Variants in TEP1 observed in about 807,000 individuals in gnomAD.
The protein encoded by TEP1 is telomerase protein component 1.
A neutral mutation model predicts 306.3 loss-of-function variants in TEP1; 241 were observed. The ratio of observed to expected loss-of-function variants is 0.79; its 90% CI spans 0.71 to 0.88. TEP1 has a LOEUF of 0.88. TEP1 is among the 40% of genes least tolerant of loss of function. The probability of loss-of-function intolerance (pLI) is 0.00; values close to 1 mark genes in which losing one functional copy is unlikely to be tolerated. For missense variants in TEP1, 3,051 were observed against 3,276.1 expected (o/e 0.93, Z 1.68); for synonymous variants, 1,289 against 1,305.5 (o/e 0.99, Z 0.27).
chr14:20,408,599 AG>A, intron 1 of TEP1, 136 bp from the exon 2 acceptor site: 1 of 706,824 alleles, frequency 1.4e-6, no homozygotes, highest in East Asian at 2.7e-5. Context: ...TGTTTTTCCC[AG>A]GACTGGGTTC....
chr14:20,398,235 G>A (rs888626881), intron 9 of TEP1, among the ~76,000 whole-genome samples: 7 of 151,708 alleles, frequency 4.6e-5, no homozygotes, highest in East Asian at 1.9e-4. Flanking sequence ...AAAATTAGCC[G>A]GGCGTGGTGG....
At position 20,377,133 on chromosome 14, in the gene TEP1, T is replaced by C; in HGVS notation, c.6088+147A>G. On this transcript the variant is annotated intron_variant, in intron 41 of 54. Transcript: ENST00000262715. ...GGGAGGCCGAGACAGGAGAATTGCT[T>C]GAACCCAGGAGGCAGAAGTTGCAGT... is the stretch of plus-strand genomic sequence containing the variant. 1.1e-5 allele frequency: 7 copies of C among 638,326 alleles called. No homozygotes were observed. The South Asian group carries it at 1.8e-4, about 17-fold the overall frequency. 39.5% of individuals were successfully genotyped at this position (638,326 alleles called of 1,614,324 possible). A position where few individuals can be genotyped will look rare whatever the true frequency, so the allele number is the denominator to read the frequency against.
chr14:20,371,549 A>G lies in TEP1; in HGVS notation c.7160T>C (p.Leu2387Ser), dbSNP rs767244073. ...DWAPDGHFLI[L>S]AKADLKLLCM... ...AAGTAACTTCAAATCTGCTTTGGCC[A>G]AGATGAGAAAGTGACCATCAGGAGC... is the stretch of plus-strand genomic sequence containing the variant. Residue 2387 changes from leucine to serine, a missense_variant, in exon 50 of 55, where the codon TTG becomes TCG. Around this residue, in one of 3 missense-constraint regions of TEP1, gnomAD observed 1,540 missense variants for 1,705.9 expected, o/e 0.90. Coordinates refer to ENST00000262715, the MANE Select transcript of TEP1 (RefSeq NM_007110.5). 2 of 1,607,558 alleles carry G rather than the reference A, an allele frequency of 1.2e-6. No individual in the cohort carries two copies. Among genetic ancestry groups the G allele is most frequent in the African/African-American group, 1.3e-5 (1 of 74,322 alleles).
intron 7 of TEP1, among the ~76,000 whole-genome samples, chr14:20,402,524 A>C (rs1878837058): frequency 6.6e-6 from 1 of 152,200 alleles, no homozygotes; most frequent in African/African-American, 2.4e-5. Flanking sequence ...ACTTCCAGGA[A>C]TTGTTAGAAA....
Position 20,369,326 on chromosome 14 carries a change from C to T in TEP1, c.7656+18G>A, listed in dbSNP as rs1884677499. ...CCCAGCCCTCCCCTAGTATTTCTGA[C>T]CCTTCCTTCAAACTCACCTTTCTAC... On this transcript the variant is annotated intron_variant, in intron 53 of 54. Coordinates refer to ENST00000262715, the MANE Select transcript of TEP1 (RefSeq NM_007110.5). 6.2e-7 allele frequency: 1 copy of T among 1,613,616 alleles called. No homozygotes were observed. Among genetic ancestry groups the T allele is most frequent in the Non-Finnish European group, 8.5e-7 (1 of 1,179,604 alleles).
intron 1 of TEP1, among the ~76,000 whole-genome samples, chr14:20,409,845 C>A (rs2139214574): frequency 6.6e-6 from 1 of 151,630 alleles, no homozygotes; most frequent in East Asian, 1.9e-4. Flanking sequence ...ACAGTGAAAC[C>A]CCATCTCTAC....
intron 7 of TEP1, among the ~76,000 whole-genome samples, chr14:20,403,157 C>T (rs1328534434): frequency 1.5e-5 from 1 of 66,644 alleles, no homozygotes; most frequent in Non-Finnish European, 2.5e-5. Context: ...ATAACTTCAT[C>T]TCAAAAAAAA....
In TEP1 at chr14:20,373,137, A is replaced by G. The variant is rs1223951631; in HGVS notation, c.6825T>C (p.Cys2275=). 6 of 1,614,218 alleles carry G rather than the reference A, an allele frequency of 3.7e-6. No homozygotes were observed. The highest frequency in any genetic ancestry group is 5.1e-6 in the Non-Finnish European group (6 of 1,180,038). ...TGACGGCTGCAGAACTCCTTGGTATACATGTGTCATCTGGAGGAGAAAGGA... is the reference window on the plus strand; with the variant it reads ...TGACGGCTGCAGAACTCCTTGGTATGCATGTGTCATCTGGAGGAGAAAGGA... The part of the protein sequence containing the change: ...WQVPKEADDT[C]IPRSSAAVTA... Residue 2275 remains cysteine, a synonymous_variant, in exon 48 of 55, where the codon TGT becomes TGC. Transcript: ENST00000262715.
rs761047021 is a variant in TEP1 at position 20,371,298 on chromosome 14, T to A, written c.7237A>T (p.Asn2413Tyr). 6.2e-7 allele frequency: 1 copy of A among 1,614,154 alleles called. No individual in the cohort carries two copies. Among genetic ancestry groups the A allele is most frequent in the South Asian group, 1.1e-5 (1 of 91,084 alleles). ...PSEIWSSYTE[N>Y]PMILSTHKEY... ...TTGTGGGTGGACAATATCATAGGATTTTCTGTATAGCTGCTCCTGGTTTGT... is the reference window on the plus strand; with the variant it reads ...TTGTGGGTGGACAATATCATAGGATATTCTGTATAGCTGCTCCTGGTTTGT... Residue 2413 changes from asparagine to tyrosine, a missense_variant, in exon 51 of 55, where the codon AAT (asparagine) becomes TAT (tyrosine). By Grantham distance (143) the Asn-to-Tyr change is moderately radical. This residue lies in a region of TEP1 where 1,540 missense variants were observed against 1,705.9 expected (regional missense o/e 0.90). Transcript: ENST00000262715.
At chr14:20,379,354 G>T (rs1250656780) in intron 35 of TEP1, among the ~76,000 whole-genome samples, 1 of 152,210 alleles carries the variant, frequency 6.6e-6, no homozygotes, top group Admixed American at 6.5e-5. Flanking sequence ...TGAGAAAATG[G>T]GGTTACATGG....
chr14:20,410,802 G>GT (rs61662364), intron 1 of TEP1, among the ~76,000 whole-genome samples: 3,571 of 24,326 alleles, frequency 0.15, 76 homozygotes, highest in East Asian at 0.33. Context: ...CTCCTTTGTG[G>GT]TTTTTTTTTT....
chr14:20,374,476 C>T lies in TEP1; in HGVS notation c.6424G>A (p.Gly2142Ser). The T allele has an allele frequency of 6.2e-7, 1 of 1,612,950 alleles. No individual in the cohort carries two copies. The highest frequency in any genetic ancestry group is 1.1e-5 in the South Asian group (1 of 91,010). ...GCACTCTGATGACCCAGGAACTGACCAAGCCGCTGTCCTGACTCTGGGTCC... is the reference window on the plus strand; with the variant it reads ...GCACTCTGATGACCCAGGAACTGACTAAGCCGCTGTCCTGACTCTGGGTCC... ...LWDPESGQRL[G>S]QFLGHQSAVS... Residue 2142 changes from glycine to serine, a missense_variant, in exon 44 of 55, where the codon GGT becomes AGT. Physicochemically the swap from Gly to Ser is moderately conservative, Grantham distance 56. Transcript: ENST00000262715.
chr14:20,381,624 A>AG lies in TEP1; in HGVS notation c.4486dup (p.Leu1496ProfsTer6). ...ATAGCAACGTTTAGCTGCTGTTCTC[A>AG]GGGGCCCATCAGGGAGGCACAGCCG... is the stretch of plus-strand genomic sequence containing the variant. On this transcript the variant is annotated frameshift_variant, in exon 31 of 55. Coordinates refer to ENST00000262715, the MANE Select transcript of TEP1 (RefSeq NM_007110.5). LOFTEE classifies it high-confidence loss of function. The surrounding 1 kb of genome is among the most constrained non-coding windows in gnomAD (Gnocchi z 4.0). The AG allele has an allele frequency of 6.2e-7, 1 of 1,614,008 alleles. No individual in the cohort carries two copies. The highest frequency in any genetic ancestry group is 8.5e-7 in the Non-Finnish European group (1 of 1,179,986).
At chr14:20,395,371 G>C (rs971912810) in intron 12 of TEP1, 79 bp downstream of exon 12, 2 of 1,401,324 alleles carry the variant, frequency 1.4e-6, no homozygotes, top group Non-Finnish European at 1.9e-6. Context: ...AAAAACAGTT[G>C]GGATTCCCAG....
In TEP1 at chr14:20,391,756, T is replaced by C. The variant is rs763818029; in HGVS notation, c.1940A>G (p.Tyr647Cys). 1.2e-6 allele frequency: 2 copies of C among 1,614,078 alleles called. No individual in the cohort carries two copies. The highest frequency in any genetic ancestry group is 1.7e-5 in the Admixed American group (1 of 60,024). Residue 647 changes from tyrosine (Y) to cysteine (C), a missense_variant, in exon 13 of 55, where the codon TAT (tyrosine) becomes TGT (cysteine). By Grantham distance (194) the Tyr-to-Cys change is radical (BLOSUM62 -2). Transcript: ENST00000262715. ...LRVHKARQWK[Y>C]DGEMLNRYRQ... ...GTACCTGTTCAGCATCTCACCATCA[T>C]ATTTCCACTGTCTACATGCAAGAAA...
At chr14:20,402,397 TGAAGA>T (rs772425594) in intron 7 of TEP1, among the ~76,000 whole-genome samples, 15 of 152,214 alleles carry the variant, frequency 9.9e-5, no homozygotes, top group Non-Finnish European at 1.9e-4. Flanking sequence ...ATTAATAGGA[TGAAGA>T]GAAAAGACGA....
chr14:20,393,087 G>GAA (rs2139124689), intron 12 of TEP1, among the ~76,000 whole-genome samples: 1 of 152,164 alleles, frequency 6.6e-6, no homozygotes, highest in Admixed American at 6.5e-5. Context: ...CGTGGTGGTG[G>GAA]GTGCCTGCAG....
chr14:20,389,990 G>C (rs1241040804), intron 15 of TEP1, among the ~76,000 whole-genome samples: 1 of 152,136 alleles, frequency 6.6e-6, no homozygotes, highest in African/African-American at 2.4e-5. Flanking sequence ...TAAGTTTTCA[G>C]GAAGTTTGTG....
At chr14:20,409,891 G>A (rs573596366) in intron 1 of TEP1, among the ~76,000 whole-genome samples, 38 of 151,572 alleles carry the variant, frequency 2.5e-4, no homozygotes, top group Middle Eastern at 6.8e-3. Flanking sequence ...GCAGGGTGGC[G>A]GGCACCTGTA....
Sources: gnomAD v4.1 joint callset for allele counts (sites outside exome capture counted in the v4.1 genomes callset) on GRCh38, gnomAD v4.1.1 for gene constraint, gnomAD v4.1.1 regional missense constraint, Gnocchi (gnomAD v3.1) non-coding constraint, MANE v1.5 for transcripts, NCBI Gene and HGNC (gene_info 2026-07-23, HGNC 2026-07-21) for gene names.